The following ZNF846 variants were observed in gnomAD, a reference collection of about 807,000 sequenced individuals.
ZNF846 encodes zinc finger protein 846, also known as zinc finger protein 420 pseudogene.
A neutral mutation model predicts 16.0 loss-of-function variants in ZNF846; 15 were observed. The observed-to-expected ratio is 0.94, with a 90% confidence interval of 0.63 to 1.45. ZNF846 has a LOEUF of 1.45. Ranked by LOEUF, ZNF846 falls within the 40% of genes most tolerant of loss-of-function variation. The probability of loss-of-function intolerance (pLI) is 0.00; values close to 1 mark genes in which losing one functional copy is unlikely to be tolerated. For missense variants in ZNF846, 714 were observed against 622.3 expected (o/e 1.15, Z -1.57); for synonymous variants, 229 against 212.0 (o/e 1.08, Z -0.70).
intron 1 of ZNF846, among the ~76,000 whole-genome samples, chr19:9,785,176 C>T (rs2045544877): frequency 1.3e-5 from 2 of 151,882 alleles, no homozygotes; most frequent in South Asian, 4.1e-4. Context: ...ACTGAGACCC[C>T]ACCCTGTCTC....
chr19:9,752,485 C>T (rs1403187342), downstream of ZNF846: 2 of 383,190 alleles, frequency 5.2e-6, no homozygotes, highest in Admixed American at 2.8e-5. Context: ...CTTGGTGGTG[C>T]ATGCCTGTGA....
intron 2 of ZNF846, 118 bp downstream of exon 2, chr19:9,764,818 T>A: frequency 8.1e-7 from 1 of 1,229,590 alleles, no homozygotes; most frequent in Non-Finnish European, 1.2e-6. Context: ...ACCTGGGGAG[T>A]TATTTCCTGA....
chr19:9,767,186 A>G (rs926059778), intron 1 of ZNF846, among the ~76,000 whole-genome samples: 1 of 151,850 alleles, frequency 6.6e-6, no homozygotes, highest in African/African-American at 2.4e-5. Context: ...CCCAGGCTGT[A>G]GTGCATTGCC....
chr19:9,765,046 G>T lies in ZNF846; in HGVS notation c.-85-11C>A. 1 of 1,354,504 alleles carries T rather than the reference G, an allele frequency of 7.4e-7. No homozygotes were observed. The allele number at this position is 1,354,504 out of a possible 1,614,324, so 83.9% of individuals were successfully genotyped here. On this transcript the variant is annotated splice_polypyrimidine_tract_variant and intron_variant, in intron 1 of 5. Transcript: ENST00000397902. ...CCTGGAAAAAATGACCTTTGGAAAAGAATAATGGCATGTCAGTTGGATACA... is the reference window on the plus strand; with the variant it reads ...CCTGGAAAAAATGACCTTTGGAAAATAATAATGGCATGTCAGTTGGATACA...
At chr19:9,782,516 G>A (rs954447380) in intron 1 of ZNF846, among the ~76,000 whole-genome samples, 1 of 152,128 alleles carries the variant, frequency 6.6e-6, no homozygotes, top group Non-Finnish European at 1.5e-5. Context: ...TCCCGACTCA[G>A]CCTCCCAAAG....
chr19:9,756,337 G>A (rs1047969953), downstream of ZNF846: 10 of 66,170 alleles, frequency 1.5e-4, no homozygotes, highest in African/African-American at 2.5e-4. Flanking sequence ...ATGTGTGTGT[G>A]TGTGTGTGTA....
At chr19:9,761,821 T>A (rs1044079462) in intron 4 of ZNF846, among the ~76,000 whole-genome samples, 1 of 152,058 alleles carries the variant, frequency 6.6e-6, no homozygotes, top group African/African-American at 2.4e-5. Context: ...TAAGAAGGTG[T>A]TGGCAAAGGA....
upstream of ZNF846, chr19:9,768,734 CG>C (rs1393739377): frequency 3.9e-5 from 6 of 152,374 alleles, no homozygotes; most frequent in Non-Finnish European, 8.8e-5. Flanking sequence ...GCGGGGAATA[CG>C]TATAGCTGCG....
At chr19:9,785,613 C>T (rs1281955605) in intron 1 of ZNF846, among the ~76,000 whole-genome samples, 1 of 119,198 alleles carries the variant, frequency 8.4e-6, no homozygotes, top group Admixed American at 8.4e-5. Context: ...AGTCGCCGCC[C>T]GCGTCTCTCC....
chr19:9,763,305 T>C, exon 3 of ZNF846: 1 of 1,602,702 alleles, frequency 6.2e-7, no homozygotes, highest in South Asian at 1.1e-5. Context: ...ATTCTTGTAG[T>C]TCTCCAACAT....
At position 9,764,978 on chromosome 19, in the gene ZNF846, A is replaced by T. The variant is rs754295729; in HGVS notation, c.-28T>A. On this transcript the variant is annotated 5_prime_UTR_variant, in exon 2 of 6. An upstream open reading frame in the 5' UTR loses its in-frame stop. Coordinates refer to ENST00000397902, the Ensembl canonical transcript of ZNF846. ...GTAATCCATCAGTAACCCAGCCACT[A>T]GCCTTGGCTTCTCGATGTTCCTGTC... The T allele has an allele frequency of 3.1e-6, 5 of 1,613,974 alleles. No homozygotes were observed. The Admixed American group carries it at 8.3e-5, about 27-fold the overall frequency.
intron 1 of ZNF846, among the ~76,000 whole-genome samples, chr19:9,777,020 C>A (rs139542946): frequency 6.6e-6 from 1 of 151,882 alleles, no homozygotes; most frequent in Non-Finnish European, 1.5e-5. Context: ...GGCACAATTT[C>A]ACCGGGGTAT....
At chr19:9,774,627 C>G (rs2045419397) in intron 1 of ZNF846, 1 of 1,458,408 alleles carries the variant, frequency 6.9e-7, no homozygotes, top group Non-Finnish European at 9.6e-7. Context: ...CCTGACAACT[C>G]TCCATATGAT....
intron 1 of ZNF846, among the ~76,000 whole-genome samples, chr19:9,767,995 T>C (rs2045344365): frequency 6.6e-6 from 1 of 152,176 alleles, no homozygotes; most frequent in South Asian, 2.1e-4. Flanking sequence ...TCACAGTTAA[T>C]ACAACTGTAA....
downstream of ZNF846, among the ~76,000 whole-genome samples, chr19:9,754,855 T>C (rs528305107): frequency 5.4e-3 from 814 of 150,968 alleles, 2 homozygotes; most frequent in Admixed American, 9.3e-3. Flanking sequence ...TATATGTAGT[T>C]ACCATGGGGA....
intron 1 of ZNF846, among the ~76,000 whole-genome samples, chr19:9,782,412 G>A (rs1018065175): frequency 6.6e-6 from 1 of 151,994 alleles, no homozygotes; most frequent in Non-Finnish European, 1.5e-5. Context: ...CTTCAGGTGT[G>A]CACCACCACA....
chr19:9,765,475 ATCCTGGCTAACACAGTGAAACCCCG>A (rs1277699557), intron 1 of ZNF846, among the ~76,000 whole-genome samples: 1 of 152,178 alleles, frequency 6.6e-6, no homozygotes, highest in South Asian at 2.1e-4. Context: ...GATCGAGACC[ATCCTGGCTAACACAGTGAAACCCCG>A]TCTCTACTAA....
intron 1 of ZNF846, among the ~76,000 whole-genome samples, chr19:9,784,701 G>A (rs1433199024): frequency 6.6e-6 from 1 of 152,082 alleles, no homozygotes; most frequent in African/African-American, 2.4e-5. Context: ...GGAAACCTTG[G>A]ACAATACCCG....
chr19:9,778,328 G>C (rs1014329454), intron 1 of ZNF846, among the ~76,000 whole-genome samples: 2 of 152,212 alleles, frequency 1.3e-5, no homozygotes, highest in Non-Finnish European at 2.9e-5. Context: ...GGAGATTTCA[G>C]CTGTTGCATC....
Sources: allele counts gnomAD v4.1 joint callset (sites outside exome capture counted in the v4.1 genomes callset), GRCh38; gene constraint gnomAD v4.1.1; transcripts MANE v1.5; gene names NCBI Gene and HGNC (gene_info 2026-07-23, HGNC 2026-07-21).